Variants in DMD observed in about 807,000 individuals in gnomAD.
The protein encoded by DMD is dystrophin, also known as mutant dystrophin.
DMD carries 63 observed loss-of-function variants against 330.1 expected under a neutral mutation model. The ratio of observed to expected loss-of-function variants is 0.19; its 90% CI spans 0.16 to 0.24. DMD has a LOEUF of 0.24. DMD is among the 10% of genes least tolerant of loss of function. The pLI is 1.00. For missense variants in DMD, 3,344 were observed against 2,684.1 expected (o/e 1.25, Z -5.43); for synonymous variants, 1,223 against 959.8 (o/e 1.27, Z -5.07).
chrX:33,134,434 C>T (rs925119544), intron 1 of DMD, among the ~76,000 whole-genome samples: 1 of 112,003 alleles, frequency 8.9e-6, no homozygotes, highest in Non-Finnish European at 1.9e-5. Context: ...TAAAAAAGTT[C>T]GCAGACATAC....
At chrX:32,049,179 G>C (rs771322837) in intron 44 of DMD, among the ~76,000 whole-genome samples, 1 of 111,442 alleles carries the variant, frequency 9.0e-6, no homozygotes, top group Non-Finnish European at 1.9e-5. Flanking sequence ...AGGTCTAATT[G>C]AGATTTGAGA....
intron 12 of DMD, among the ~76,000 whole-genome samples, chrX:32,610,862 C>G (rs1206662514): frequency 9.0e-6 from 1 of 110,661 alleles, no homozygotes. Flanking sequence ...TCCTTACTTT[C>G]AATGATTTAC....
intron 60 of DMD, among the ~76,000 whole-genome samples, chrX:31,426,624 A>G (rs1398403910): frequency 3.6e-5 from 4 of 112,032 alleles, no homozygotes; most frequent in Non-Finnish European, 5.6e-5. Context: ...CTGAATTCCT[A>G]ACCTCGTGTA....
At chrX:31,695,273 A>G (rs1210782755) in intron 52 of DMD, among the ~76,000 whole-genome samples, 1 of 110,956 alleles carries the variant, frequency 9.0e-6, no homozygotes, top group Non-Finnish European at 1.9e-5. Flanking sequence ...GAGGCTACAA[A>G]GGGTAGTGTG....
intron 1 of DMD, among the ~76,000 whole-genome samples, chrX:33,171,870 C>T (rs770821130): frequency 1.8e-5 from 2 of 110,656 alleles, no homozygotes; most frequent in Non-Finnish European, 3.8e-5. Flanking sequence ...GCTTTGTACC[C>T]TTTGAGAGAT....
intron 29 of DMD, among the ~76,000 whole-genome samples, chrX:32,430,258 T>C (rs1001418635): frequency 2.7e-5 from 3 of 112,061 alleles, no homozygotes; most frequent in Non-Finnish European, 5.6e-5. Context: ...TTCTGCACTT[T>C]CACTGTGATA....
At chrX:32,451,822 A>C (rs769159577) in intron 26 of DMD, among the ~76,000 whole-genome samples, 3 of 110,551 alleles carry the variant, frequency 2.7e-5, no homozygotes, top group Admixed American at 9.6e-5. Flanking sequence ...AGCAGGCTGA[A>C]AACTCAAGAA....
At chrX:32,997,248 A>ATT (rs375762177) in intron 2 of DMD, among the ~76,000 whole-genome samples, 96 of 98,661 alleles carry the variant, frequency 9.7e-4, no homozygotes, top group African/African-American at 3.0e-3. Context: ...GCCTCCCGCC[A>ATT]TTTTTTTTTT....
rs917366164 is a variant in DMD at position 32,901,933 on chromosome X, T to C, written c.94-52113A>G. Among the ~76,000 whole-genome samples, 3 of 110,175 alleles carry C rather than the reference T, an allele frequency of 2.7e-5. No individual in the cohort carries two copies. The Admixed American group carries it at 2.9e-4, about 11-fold the overall frequency. On this transcript the variant is annotated intron_variant, in intron 2 of 78. Coordinates refer to ENST00000357033, the MANE Select transcript of DMD (RefSeq NM_004006.3). ...CTTAATCTTTGGCTTTATGGAAAAG[T>C]ATAAAATCGCTCTTCAGTTTTATTA...
chrX:32,664,244 T>A (rs1446118259), intron 9 of DMD, among the ~76,000 whole-genome samples: 334 of 99,113 alleles, frequency 3.4e-3, no homozygotes, highest in African/African-American at 0.011. Context: ...ATAGGTTTTT[T>A]TTTTTTTTTT....
chrX:31,764,635 A>AT (rs1394813509), intron 51 of DMD, among the ~76,000 whole-genome samples: 3 of 111,511 alleles, frequency 2.7e-5, no homozygotes, highest in Non-Finnish European at 5.7e-5. Context: ...CATGGATTTA[A>AT]TTTTTTTTAA....
intron 45 of DMD, among the ~76,000 whole-genome samples, chrX:31,938,370 A>G (rs753285549): frequency 8.9e-6 from 1 of 112,182 alleles, no homozygotes; most frequent in South Asian, 3.7e-4. Context: ...CACCTTTAAC[A>G]TAGAAACTTT....
chrX:33,156,479 A>G (rs1202372328), intron 1 of DMD, among the ~76,000 whole-genome samples: 1 of 112,211 alleles, frequency 8.9e-6, no homozygotes, highest in Non-Finnish European at 1.9e-5. Flanking sequence ...TATAACTTCT[A>G]TGCATATGGT....
At chrX:31,537,643 A>G (rs1025103960) in intron 55 of DMD, among the ~76,000 whole-genome samples, 2 of 110,846 alleles carry the variant, frequency 1.8e-5, no homozygotes, top group Non-Finnish European at 3.8e-5. Context: ...ATAACATGAC[A>G]TGACTTTCTC....
chrX:31,916,156 C>T (rs183169325), intron 47 of DMD, among the ~76,000 whole-genome samples: 1 of 111,785 alleles, frequency 8.9e-6, no homozygotes, highest in Non-Finnish European at 1.9e-5. Flanking sequence ...ATCCTAGCTG[C>T]GCTTATGCTA....
intron 2 of DMD, among the ~76,000 whole-genome samples, chrX:32,947,921 G>A (rs1236179386): frequency 9.0e-6 from 1 of 111,227 alleles, no homozygotes; most frequent in Non-Finnish European, 1.9e-5. Context: ...ACAACAGACC[G>A]AAGGCAATGT....
chrX:31,992,359 A>G (rs1841302702), intron 44 of DMD, among the ~76,000 whole-genome samples: 2 of 111,617 alleles, frequency 1.8e-5, no homozygotes, highest in African/African-American at 6.5e-5. Context: ...AGAGTTGTGA[A>G]GAGATATGTT....
chrX:33,077,689 G>A (rs1186276108), intron 1 of DMD, among the ~76,000 whole-genome samples: 1 of 111,646 alleles, frequency 9.0e-6, no homozygotes, highest in Non-Finnish European at 1.9e-5. Flanking sequence ...CCTACTATAA[G>A]GTATAATGAG....
intron 2 of DMD, among the ~76,000 whole-genome samples, chrX:32,957,801 GA>G (rs1460290107): frequency 9.0e-6 from 1 of 111,522 alleles, no homozygotes; most frequent in African/African-American, 3.3e-5. Flanking sequence ...AAAGAAAACT[GA>G]TTTTCCACAG....
Sources: gnomAD v4.1 joint callset for allele counts (sites outside exome capture counted in the v4.1 genomes callset) on GRCh38, gnomAD v4.1.1 for gene constraint, MANE v1.5 for transcripts, NCBI Gene and HGNC (gene_info 2026-07-23, HGNC 2026-07-21) for gene names.